Variants in PTPRK observed in about 807,000 individuals in gnomAD.
PTPRK encodes receptor-type tyrosine-protein phosphatase kappa.
Under a neutral mutation model 178.0 loss-of-function variants are expected in PTPRK, and 75 were observed. The observed-to-expected ratio is 0.42, with a 90% CI of 0.35 to 0.51. PTPRK has a LOEUF of 0.51. Among genes scored for constraint, PTPRK ranks in the 20% least tolerant of loss-of-function variants. The probability of loss-of-function intolerance (pLI) is 0.02; values close to 1 mark genes in which losing one functional copy is unlikely to be tolerated. For missense variants in PTPRK, 1,441 were observed against 1,797.8 expected (o/e 0.80, Z 3.59); for synonymous variants, 637 against 620.6 (o/e 1.03, Z -0.39).
rs1204498139 is a variant in PTPRK, at chr6:128,089,674, C to T, written c.1465+16G>A. On this transcript the variant is annotated intron_variant, in intron 8 of 29. Coordinates refer to ENST00000368226, the MANE Select transcript of PTPRK (RefSeq NM_002844.4). ...TAGAGAATTCCCCCCTTTTAAACAG[C>T]AAAGTATGAGCATACCATCTTCATC... The T allele has an allele frequency of 6.3e-7, 1 of 1,585,158 alleles. No individual in the cohort carries two copies. The highest frequency in any genetic ancestry group is 1.7e-5 in the Admixed American group (1 of 59,738).
At chr6:128,343,951 A>G (rs1832040150) in intron 2 of PTPRK, among the ~76,000 whole-genome samples, 1 of 152,232 alleles carries the variant, frequency 6.6e-6, no homozygotes, top group Non-Finnish European at 1.5e-5. Context: ...TCCTGGCATC[A>G]GAACTTATAA....
At chr6:128,109,095 C>T (rs1790208075) in intron 7 of PTPRK, among the ~76,000 whole-genome samples, 1 of 151,942 alleles carries the variant, frequency 6.6e-6, no homozygotes, top group African/African-American at 2.4e-5. Context: ...AAAAAACTAC[C>T]ATGTGTCAAT....
intron 2 of PTPRK, among the ~76,000 whole-genome samples, chr6:128,345,602 TATGATGCGAAGCTTAGCTTC>T (rs1318717103): frequency 6.6e-6 from 1 of 152,226 alleles, no homozygotes; most frequent in Non-Finnish European, 1.5e-5. Flanking sequence ...ATAATTAGGT[TATGATGCGAAGCTTAGCTTC>T]AGGAGAAGCA....
intron 15 of PTPRK, chr6:128,001,239 A>G: frequency 6.6e-7 from 1 of 1,515,750 alleles, no homozygotes; most frequent in Non-Finnish European, 8.9e-7. Context: ...AAACACAAAA[A>G]CCAAAAATAC....
intron 5 of PTPRK, among the ~76,000 whole-genome samples, chr6:128,231,491 T>A (rs576079210): frequency 2.0e-5 from 3 of 152,314 alleles, no homozygotes; most frequent in Admixed American, 2.0e-4. Context: ...TTTGCACTCC[T>A]CACACTCCTG....
chr6:128,147,083 C>T (rs923813005), intron 7 of PTPRK, among the ~76,000 whole-genome samples: 1 of 151,954 alleles, frequency 6.6e-6, no homozygotes, highest in Non-Finnish European at 1.5e-5. Context: ...TGTCTTTGTA[C>T]AAAATGAATA....
chr6:128,047,638 TATC>T (rs1778289193), intron 13 of PTPRK, among the ~76,000 whole-genome samples: 1 of 152,194 alleles, frequency 6.6e-6, no homozygotes, highest in Admixed American at 6.5e-5. Context: ...ATTTTAAAAA[TATC>T]ATGGTAATGA....
At chr6:128,514,479 CTATTT>C (rs1857657018) in intron 1 of PTPRK, among the ~76,000 whole-genome samples, 1 of 152,244 alleles carries the variant, frequency 6.6e-6, no homozygotes, top group African/African-American at 2.4e-5. Context: ...CCACTACGCA[CTATTT>C]TATTTTGCCT....
intron 1 of PTPRK, among the ~76,000 whole-genome samples, chr6:128,403,223 G>C (rs1466371798): frequency 6.6e-6 from 1 of 152,162 alleles, no homozygotes; most frequent in Non-Finnish European, 1.5e-5. Flanking sequence ...CGAAGCAGAT[G>C]CTCCACTCCA....
At chr6:128,202,184 C>T (rs546347093) in intron 6 of PTPRK, among the ~76,000 whole-genome samples, 21 of 152,220 alleles carry the variant, frequency 1.4e-4, no homozygotes, top group Middle Eastern at 3.4e-3. Context: ...GCTCAACCCA[C>T]GGAAAATGAA....
intron 7 of PTPRK, among the ~76,000 whole-genome samples, chr6:128,129,179 A>G (rs1418149528): frequency 6.6e-6 from 1 of 152,094 alleles, no homozygotes. Context: ...GACTACATGT[A>G]TTTCTTTTCA....
intron 7 of PTPRK, among the ~76,000 whole-genome samples, chr6:128,141,592 A>T (rs534574173): frequency 7.1e-4 from 105 of 148,608 alleles, no homozygotes; most frequent in African/African-American, 2.4e-3. Context: ...AAAGCAATAT[A>T]AAAAAAAAAT....
At chr6:127,970,527 A>T (rs1773785592) in intron 29 of PTPRK, among the ~76,000 whole-genome samples, 1 of 152,092 alleles carries the variant, frequency 6.6e-6, no homozygotes. Context: ...TCAATTTTTT[A>T]AATATCTATA....
intron 2 of PTPRK, among the ~76,000 whole-genome samples, chr6:128,341,003 T>C (rs147876135): frequency 1.4e-3 from 211 of 152,314 alleles, no homozygotes; most frequent in Admixed American, 4.8e-3. Flanking sequence ...TTAGTAAACT[T>C]TTCCAAGTTA....
intron 2 of PTPRK, among the ~76,000 whole-genome samples, chr6:128,324,069 C>G (rs188969611): frequency 2.0e-5 from 3 of 152,182 alleles, no homozygotes; most frequent in Admixed American, 2.0e-4. Flanking sequence ...ACCAATCATT[C>G]CTTTCAACGA....
intron 1 of PTPRK, among the ~76,000 whole-genome samples, chr6:128,402,374 C>T (rs1841138468): frequency 6.6e-6 from 1 of 152,128 alleles, no homozygotes; most frequent in Admixed American, 6.5e-5. Context: ...CCTCCTGCCT[C>T]AGCCTCCCCT....
chr6:128,273,328 T>G (rs911982223), intron 3 of PTPRK, among the ~76,000 whole-genome samples: 1 of 152,082 alleles, frequency 6.6e-6, no homozygotes, highest in East Asian at 1.9e-4. Context: ...CTGCACTTTG[T>G]GCACATGTAC....
chr6:128,430,714 G>A lies in PTPRK; in HGVS notation c.101-33026C>T, dbSNP rs377127577. On this transcript the variant is annotated intron_variant, in intron 1 of 29. Transcript: ENST00000368226. ...TGACGTTGAAATATAAGCAGGAATT[G>A]GTCATAGCAAAAAACAAGCCACATT... Among the ~76,000 whole-genome samples the A allele has an allele frequency of 3.9e-5, 6 of 152,160 alleles. No individual in the cohort carries two copies. The East Asian group carries it at 5.8e-4, about 15-fold the overall frequency.
Position 127,969,105 on chromosome 6 carries a change from A to T in PTPRK, c.*1122T>A, listed in dbSNP as rs1025301503. ...ACCCTGACAGTTTACAGTTTGCTCA[A>T]ATTTGACCCTGAAAGCATATATGTT... is the stretch of plus-strand genomic sequence containing the variant. On this transcript the variant is annotated 3_prime_UTR_variant, in exon 30 of 30. Coordinates refer to ENST00000368226, the MANE Select transcript of PTPRK (RefSeq NM_002844.4). 2.0e-5 allele frequency: 3 copies of T among 152,220 alleles called. No homozygotes were observed. The highest frequency in any genetic ancestry group is 1.3e-4 in the Admixed American group (2 of 15,278). 9.4% of individuals were successfully genotyped at this position (152,220 alleles called of 1,614,324 possible).
Sources: allele counts gnomAD v4.1 joint callset (sites outside exome capture counted in the v4.1 genomes callset), GRCh38; gene constraint gnomAD v4.1.1; transcripts MANE v1.5; gene names NCBI Gene and HGNC (gene_info 2026-07-23, HGNC 2026-07-21).